LRIF1: variants seen among roughly 807,000 people sequenced by gnomAD.
LRIF1 encodes the protein ligand-dependent nuclear receptor-interacting factor 1.
A neutral mutation model predicts 52.7 loss-of-function variants in LRIF1; 32 were observed. The observed-to-expected ratio is 0.61, with a 90% CI of 0.46 to 0.82. The LOEUF (loss-of-function observed/expected upper bound fraction) is 0.82, where lower values mean the gene tolerates loss of function less well. LRIF1 is among the 40% of genes least tolerant of loss of function. The pLI is 0.00. For missense variants in LRIF1, 887 were observed against 892.0 expected, an observed-to-expected ratio of 0.99 and a Z score of 0.07; for synonymous variants, 323 against 317.4, an observed-to-expected ratio of 1.02 and a Z score of -0.19.
chr1:110,936,413 A>C, the LRIF1 span: 3 of 152,314 alleles, frequency 2.0e-5, no homozygotes, highest in East Asian at 5.8e-4. Flanking sequence ...AATAAGATAT[A>C]CATAGAAACA....
chr1:110,931,226 C>T, the LRIF1 span, among the ~76,000 whole-genome samples: 1 of 152,068 alleles, frequency 6.6e-6, no homozygotes, highest in Non-Finnish European at 1.5e-5. Context: ...TGAGTGAGAA[C>T]ATGCGGTGTT....
At chr1:110,875,725 C>G in the LRIF1 span, among the ~76,000 whole-genome samples, 1 of 152,144 alleles carries the variant, frequency 6.6e-6, no homozygotes, top group Non-Finnish European at 1.5e-5. Context: ...AGAAAACAGA[C>G]AGCTATGCAG....
At chr1:110,903,761 A>G in the LRIF1 span, among the ~76,000 whole-genome samples, 1 of 152,142 alleles carries the variant, frequency 6.6e-6, no homozygotes, top group Non-Finnish European at 1.5e-5. Flanking sequence ...AAAGTAAAGG[A>G]GACTTTGTCT....
In LRIF1 at chr1:110,952,223, C is replaced by T. The variant is rs762156749; in HGVS notation, c.661G>A (p.Val221Ile). The change falls in exon 2 of 4, where the codon GTT (valine) becomes ATT (isoleucine). Residue 221 changes from valine to isoleucine, a missense_variant. Coordinates refer to ENST00000369763, the MANE Select transcript of LRIF1 (RefSeq NM_018372.4). ...ATATTSTSGMVEASQMPTVIY... is the reference protein window; with the variant it reads ...ATATTSTSGMIEASQMPTVIY... ...ACGGTTGGCATTTGGGAGGCCTCAA[C>T]CATTCCTGAGGTACTGGTGGTGGCA... is the stretch of plus-strand genomic sequence containing the variant. The T allele has an allele frequency of 1.2e-6, 2 of 1,614,196 alleles. No individual in the cohort carries two copies. The highest frequency in any genetic ancestry group is 2.2e-5 in the South Asian group (2 of 91,084).
At chr1:110,942,468 A>C (rs911808124), downstream of LRIF1, 5 of 152,050 alleles carry the variant, frequency 3.3e-5, no homozygotes, top group Admixed American at 6.6e-5. Flanking sequence ...ATTTTAACAA[A>C]ATCACTTGGC....
the LRIF1 span, among the ~76,000 whole-genome samples, chr1:110,915,301 C>A: frequency 4.0e-5 from 6 of 150,780 alleles, no homozygotes; most frequent in South Asian, 1.3e-3. Flanking sequence ...CTGGCTAACA[C>A]GGTGAAACCC....
At position 110,949,883 on chromosome 1, in the gene LRIF1, C is replaced by CT; in HGVS notation, c.1836dup (p.Glu613ArgfsTer15). ...CTCTCTCCTTCCTTCACCATAAACT[C>CT]TGTCTCTTTGTAAGTACCACTCTTT... On this transcript the variant is annotated frameshift_variant, in exon 3 of 4. Transcript: ENST00000369763. LOFTEE classifies it low-confidence loss of function (END_TRUNC). 1.2e-6 allele frequency: 2 copies of CT among 1,614,054 alleles called. No individual in the cohort carries two copies. Among genetic ancestry groups the CT allele is most frequent in the Non-Finnish European group, 1.7e-6 (2 of 1,180,006 alleles).
the LRIF1 span, among the ~76,000 whole-genome samples, chr1:110,887,232 T>C: frequency 6.6e-6 from 1 of 151,970 alleles, no homozygotes; most frequent in South Asian, 2.1e-4. Context: ...CCTGGCTAAT[T>C]TTTTCTATTT....
chr1:110,896,576 C>G, the LRIF1 span: 2 of 1,361,432 alleles, frequency 1.5e-6, no homozygotes, highest in Non-Finnish European at 2.1e-6. Context: ...GAAGGGCACA[C>G]CTTTTCCTCT....
At chr1:110,901,477 CTTTTTT>C in the LRIF1 span, among the ~76,000 whole-genome samples, 1 of 115,902 alleles carries the variant, frequency 8.6e-6, no homozygotes, top group African/African-American at 3.1e-5. Flanking sequence ...CGCACCCGGC[CTTTTTT>C]TTTTTTTTTT....
chr1:110,929,621 T>C, the LRIF1 span, among the ~76,000 whole-genome samples: 1 of 152,320 alleles, frequency 6.6e-6, no homozygotes, highest in African/African-American at 2.4e-5. Context: ...TTTTTTCTTA[T>C]AAATTTGTTT....
chr1:110,892,201 A>G, the LRIF1 span: 2 of 700,490 alleles, frequency 2.9e-6, no homozygotes, highest in Non-Finnish European at 5.1e-6. Flanking sequence ...TAAGCATGGA[A>G]AAGTTTGGTA....
chr1:110,938,414 C>T, the LRIF1 span: 1 of 151,994 alleles, frequency 6.6e-6, no homozygotes, highest in Non-Finnish European at 1.5e-5. Flanking sequence ...ATACACAAAT[C>T]GATTAACATG....
chr1:110,897,597 C>A, the LRIF1 span: 2 of 445,028 alleles, frequency 4.5e-6, no homozygotes, highest in South Asian at 3.2e-5. Flanking sequence ...CATTAGTTAC[C>A]ACTGTAATGA....
At chr1:110,893,288 A>C in the LRIF1 span, among the ~76,000 whole-genome samples, 2 of 152,080 alleles carry the variant, frequency 1.3e-5, no homozygotes. Context: ...TTATGGTTCA[A>C]CATTTTGGTG....
chr1:110,941,869 A>G, the LRIF1 span: 1 of 152,130 alleles, frequency 6.6e-6, no homozygotes, highest in Non-Finnish European at 1.5e-5. Context: ...CCTCTAGGTA[A>G]TCAGCCTTAC....
At chr1:110,959,245 A>G (rs1054538233) in intron 1 of LRIF1, among the ~76,000 whole-genome samples, 1 of 152,240 alleles carries the variant, frequency 6.6e-6, no homozygotes, top group East Asian at 1.9e-4. Flanking sequence ...GAAAGATTAC[A>G]GGCTACTAAT....
In LRIF1 at chr1:110,952,239, G is replaced by A; in HGVS notation, c.645C>T (p.Thr215=). The A allele has an allele frequency of 6.2e-7, 1 of 1,614,178 alleles. No individual in the cohort carries two copies. The highest frequency in any genetic ancestry group is 8.5e-7 in the Non-Finnish European group (1 of 1,180,028). The part of the protein sequence containing the change: ...VQQKILATAT[T]STSGMVEASQ... ...AGGCCTCAACCATTCCTGAGGTACTGGTGGTGGCAGTTGCAAGTATCTTTT... is the reference window on the plus strand; with the variant it reads ...AGGCCTCAACCATTCCTGAGGTACTAGTGGTGGCAGTTGCAAGTATCTTTT... Residue 215 remains threonine, a synonymous_variant, in exon 2 of 4, where the codon ACC becomes ACT. Transcript: ENST00000369763.
the LRIF1 span, chr1:110,891,363 AACTT>A: frequency 7.0e-7 from 1 of 1,432,118 alleles, no homozygotes; most frequent in Non-Finnish European, 9.8e-7. Flanking sequence ...AGAGTGAGGT[AACTT>A]ACTTTCTTCT....
Sources: gnomAD v4.1 joint callset for allele counts (sites outside exome capture counted in the v4.1 genomes callset) on GRCh38, gnomAD v4.1.1 for gene constraint, MANE v1.5 for transcripts, NCBI Gene and HGNC (gene_info 2026-07-23, HGNC 2026-07-21) for gene names.